Variants in LARGE1 observed in about 807,000 individuals in gnomAD.
LARGE1 encodes xylosyl- and glucuronyltransferase LARGE1.
In LARGE1, 43 loss-of-function variants were observed where a neutral mutation model predicts 87.6. The ratio of observed to expected loss-of-function variants is 0.49; its 90% CI spans 0.38 to 0.63. LARGE1 has a LOEUF of 0.63. Among genes scored for constraint, LARGE1 ranks in the 30% least tolerant of loss-of-function variants. The pLI is 0.00. For synonymous variants in LARGE1, 434 were observed against 394.6 expected (o/e 1.10, Z -1.18); for missense variants, 802 against 1,000.2 (o/e 0.80, Z 2.67).
At chr22:33,608,579 C>T (rs1169269678) in intron 4 of LARGE1, among the ~76,000 whole-genome samples, 1 of 152,154 alleles carries the variant, frequency 6.6e-6, no homozygotes, top group Non-Finnish European at 1.5e-5. Context: ...TCTTTTCATC[C>T]CCATCCACAG....
intron 4 of LARGE1, among the ~76,000 whole-genome samples, chr22:33,622,852 C>T (rs2079798921): frequency 6.6e-6 from 1 of 152,178 alleles, no homozygotes; most frequent in Non-Finnish European, 1.5e-5. Context: ...GTCCTCACGC[C>T]GTCTTAAAAG....
At chr22:33,591,774 G>A (rs1266387548) in intron 5 of LARGE1, among the ~76,000 whole-genome samples, 3 of 149,686 alleles carry the variant, frequency 2.0e-5, no homozygotes, top group Non-Finnish European at 4.4e-5. Flanking sequence ...TTGGGAGGCC[G>A]AGGTAGCAGG....
At chr22:33,773,903 C>T (rs185874616) in intron 1 of LARGE1, among the ~76,000 whole-genome samples, 42 of 152,264 alleles carry the variant, frequency 2.8e-4, no homozygotes, top group Admixed American at 2.2e-3. Flanking sequence ...TATAGCTGTT[C>T]GACCAATCAA....
chr22:33,216,344 G>C (rs1475122244), intron 11 of LARGE1, among the ~76,000 whole-genome samples: 1 of 151,804 alleles, frequency 6.6e-6, no homozygotes, highest in Non-Finnish European at 1.5e-5. Flanking sequence ...AAAGGGCTTG[G>C]GGGGCTGGGC....
At chr22:33,905,135 G>A (rs1386621813) in intron 1 of LARGE1, among the ~76,000 whole-genome samples, 1 of 149,184 alleles carries the variant, frequency 6.7e-6, no homozygotes, top group Admixed American at 6.7e-5. Flanking sequence ...GCGTGACCAG[G>A]GCTCACTGTA....
chr22:33,760,409 C>T (rs763824743), intron 2 of LARGE1, among the ~76,000 whole-genome samples: 3 of 152,138 alleles, frequency 2.0e-5, no homozygotes, highest in South Asian at 2.1e-4. Context: ...TGCCTCCCTG[C>T]GCTCGGCCCC....
chr22:33,333,696 C>A (rs1304935907), intron 10 of LARGE1, among the ~76,000 whole-genome samples: 1 of 152,154 alleles, frequency 6.6e-6, no homozygotes. Flanking sequence ...TATGTTAGGA[C>A]GGAGAACCTC....
chr22:33,742,239 A>G (rs2083912082), intron 2 of LARGE1, among the ~76,000 whole-genome samples: 1 of 152,320 alleles, frequency 6.6e-6, no homozygotes, highest in East Asian at 1.9e-4. Context: ...CAGGGATAAT[A>G]GGACCAGCCT....
intron 2 of LARGE1, among the ~76,000 whole-genome samples, chr22:33,728,683 T>A (rs2083357953): frequency 6.6e-6 from 1 of 151,940 alleles, no homozygotes; most frequent in Non-Finnish European, 1.5e-5. Flanking sequence ...GCAATGCCTG[T>A]TAGGCAGGTA....
chr22:33,889,415 T>C (rs1361963433), intron 1 of LARGE1, among the ~76,000 whole-genome samples: 1 of 152,226 alleles, frequency 6.6e-6, no homozygotes, highest in Non-Finnish European at 1.5e-5. Context: ...TTGGAGCCCA[T>C]CCATTCAGAA....
At chr22:33,109,298 A>G in the LARGE1 span, 8 of 150,436 alleles carry the variant, frequency 5.3e-5, no homozygotes, top group African/African-American at 2.0e-4. Flanking sequence ...TGTTTCAAGG[A>G]CTTTCTTTTT....
intron 7 of LARGE1, among the ~76,000 whole-genome samples, chr22:33,409,125 C>A (rs2066214312): frequency 6.6e-6 from 1 of 152,186 alleles, no homozygotes; most frequent in Admixed American, 6.5e-5. Context: ...CTCTGCCAAC[C>A]AATTCAGGGG....
chr22:33,650,211 G>A (rs542758706), intron 3 of LARGE1, among the ~76,000 whole-genome samples, 156 bp downstream of exon 3: 11 of 152,174 alleles, frequency 7.2e-5, no homozygotes, highest in African/African-American at 1.4e-4. Context: ...TCAGACCATT[G>A]AGCAAAGTTA....
intron 2 of LARGE1, among the ~76,000 whole-genome samples, chr22:33,748,172 G>A (rs1418591385): frequency 5.0e-5 from 7 of 140,818 alleles, no homozygotes; most frequent in Non-Finnish European, 7.5e-5. Context: ...TCAGTCTGTC[G>A]CCAGGCTGAG....
intron 5 of LARGE1, among the ~76,000 whole-genome samples, chr22:33,585,152 C>T (rs191602346): frequency 2.4e-4 from 36 of 152,192 alleles, no homozygotes; most frequent in Non-Finnish European, 3.4e-4. Flanking sequence ...ACAAACACCA[C>T]AGAAAAAGGA....
At chr22:33,692,988 G>C (rs536474061) in intron 2 of LARGE1, among the ~76,000 whole-genome samples, 4 of 152,124 alleles carry the variant, frequency 2.6e-5, no homozygotes, top group African/African-American at 9.6e-5. Context: ...AAAGACATGG[G>C]ACCAACCTAA....
At chr22:33,766,581 C>A (rs1807607) in intron 1 of LARGE1, among the ~76,000 whole-genome samples, 1 of 151,596 alleles carries the variant, frequency 6.6e-6, no homozygotes, top group African/African-American at 2.4e-5. Flanking sequence ...CCAGGCACCA[C>A]GTCCAGCTAT....
chr22:33,915,631 CAAAAG>C (rs2065764702), intron 1 of LARGE1, among the ~76,000 whole-genome samples: 1 of 151,958 alleles, frequency 6.6e-6, no homozygotes, highest in African/African-American at 2.4e-5. Context: ...TGATAACGGA[CAAAAG>C]AAAAAATTTT....
At chr22:33,256,022 A>G (rs937060467) in intron 11 of LARGE1, among the ~76,000 whole-genome samples, 2 of 152,142 alleles carry the variant, frequency 1.3e-5, no homozygotes, top group African/African-American at 4.8e-5. Context: ...TTTCCAGGCA[A>G]CCAGTCAGTT....
Sources: gnomAD v4.1 joint callset for allele counts (sites outside exome capture counted in the v4.1 genomes callset) on GRCh38, gnomAD v4.1.1 for gene constraint, MANE v1.5 for transcripts, NCBI Gene and HGNC (gene_info 2026-07-23, HGNC 2026-07-21) for gene names.